NDE1: variants seen among roughly 807,000 people sequenced by gnomAD.
NDE1 encodes nuclear distribution protein nudE homolog 1.
NDE1 carries 28 observed loss-of-function variants against 43.4 expected under a neutral mutation model. The ratio of observed to expected loss-of-function variants is 0.65; its 90% confidence interval spans 0.48 to 0.89. NDE1 has a LOEUF of 0.89. Ranked by LOEUF, NDE1 falls within the 40% of genes least tolerant of loss-of-function variation. NDE1 has a pLI of 0.00. For synonymous variants in NDE1, 184 were observed against 172.0 expected, an observed-to-expected ratio of 1.07 and a Z score of -0.55; for missense variants, 441 against 434.1, an observed-to-expected ratio of 1.02 and a Z score of -0.14.
intron 2 of NDE1, 44 bp from the exon 3 acceptor site, chr16:15,667,242 T>C (rs746133847): frequency 7.3e-5 from 117 of 1,609,004 alleles, no homozygotes; most frequent in Non-Finnish European, 9.3e-5. Context: ...CGAGACTCTG[T>C]CTTCAAAAAT....
At chr16:15,657,335 G>A (rs1356385598) in intron 1 of NDE1, among the ~76,000 whole-genome samples, 2 of 152,038 alleles carry the variant, frequency 1.3e-5, no homozygotes, top group African/African-American at 4.8e-5. Flanking sequence ...CTGACCTCAG[G>A]TGAACCACCC....
chr16:15,715,626 A>AT (rs201872754), intron 8 of NDE1, among the ~76,000 whole-genome samples: 94 of 151,682 alleles, frequency 6.2e-4, no homozygotes, highest in South Asian at 5.8e-3. Flanking sequence ...TGGGGTTTCT[A>AT]TTTTTTTTGC....
At chr16:15,652,708 A>G (rs1269558340) in intron 1 of NDE1, among the ~76,000 whole-genome samples, 1 of 152,134 alleles carries the variant, frequency 6.6e-6, no homozygotes, top group African/African-American at 2.4e-5. Flanking sequence ...CTGTCGCCCA[A>G]GCTGGAACAC....
chr16:15,704,655 GAC>G (rs2039352532), intron 8 of NDE1, among the ~76,000 whole-genome samples: 2 of 152,160 alleles, frequency 1.3e-5, no homozygotes, highest in African/African-American at 2.4e-5. Flanking sequence ...CCTTGAGAAG[GAC>G]ACAGAGGGGC....
intron 8 of NDE1, chr16:15,713,842 G>A (rs888530946): frequency 2.0e-5 from 3 of 152,692 alleles, no homozygotes; most frequent in Non-Finnish European, 2.9e-5. Flanking sequence ...TGCAAGAGGG[G>A]GAACCGGATG....
At chr16:15,657,613 A>T (rs953397982) in intron 1 of NDE1, among the ~76,000 whole-genome samples, 4 of 151,532 alleles carry the variant, frequency 2.6e-5, no homozygotes, top group Non-Finnish European at 1.5e-5. Context: ...TTTTTTTGAG[A>T]TGGGGTCTTG....
intron 8 of NDE1, among the ~76,000 whole-genome samples, chr16:15,710,685 TTTG>T (rs1443682967): frequency 6.6e-6 from 1 of 151,300 alleles, no homozygotes; most frequent in African/African-American, 2.4e-5. Flanking sequence ...GTTTTTGTTT[TTTG>T]TTTTTTTTTT....
intron 1 of NDE1, among the ~76,000 whole-genome samples, chr16:15,654,209 A>G (rs1168652428): frequency 6.6e-6 from 1 of 152,176 alleles, no homozygotes; most frequent in Non-Finnish European, 1.5e-5. Flanking sequence ...ACACAGATGA[A>G]ATAAATGCAT....
intron 8 of NDE1, 45 bp from the exon 9 acceptor site, chr16:15,724,146 C>A: frequency 6.2e-7 from 1 of 1,612,512 alleles, no homozygotes; most frequent in African/African-American, 1.3e-5. Flanking sequence ...GTGGGGGACA[C>A]CCCACGCCCT....
intron 8 of NDE1, chr16:15,718,291 C>T (rs2040275885): frequency 3.7e-6 from 6 of 1,607,320 alleles, no homozygotes; most frequent in Non-Finnish European, 5.1e-6. Flanking sequence ...GGCAGCGTGA[C>T]TGTGGTGTCC....
exon 1 of NDE1, chr16:15,643,889 TC>T (rs1270485864): frequency 6.5e-6 from 1 of 153,156 alleles, no homozygotes; most frequent in Non-Finnish European, 1.5e-5. Flanking sequence ...ATACTGCGTT[TC>T]CAGTGACAGG....
intron 5 of NDE1, among the ~76,000 whole-genome samples, chr16:15,690,337 C>CTTTTTTTTTTTTTTGT: frequency 1.3e-5 from 1 of 74,106 alleles, no homozygotes; most frequent in African/African-American, 4.7e-5. Context: ...TGCAACTGGC[C>CTTTTTTTTTTTTTTGT]TTTTTTTTTT....
chr16:15,716,526 G>T (rs180773777), intron 8 of NDE1, among the ~76,000 whole-genome samples: 126 of 148,590 alleles, frequency 8.5e-4, no homozygotes, highest in African/African-American at 3.2e-3. Flanking sequence ...TTTTTTTTGT[G>T]TGTGTGTATG....
upstream of NDE1, among the ~76,000 whole-genome samples, chr16:15,647,187 G>A (rs71376078): frequency 0.019 from 2,923 of 152,344 alleles, 79 homozygotes; most frequent in African/African-American, 0.055. Context: ...AGGTGGTGGG[G>A]TTCCCCTTTG....
chr16:15,656,831 G>C (rs1684526228), intron 1 of NDE1, among the ~76,000 whole-genome samples: 1 of 152,134 alleles, frequency 6.6e-6, no homozygotes, highest in Non-Finnish European at 1.5e-5. Context: ...ATGAGCCACA[G>C]CACCCTGCCA....
At chr16:15,690,372 T>C (rs1468893484) in intron 5 of NDE1, among the ~76,000 whole-genome samples, 2 of 125,984 alleles carry the variant, frequency 1.6e-5, no homozygotes, top group African/African-American at 3.0e-5. Flanking sequence ...TTTTTTTTTT[T>C]TTTTTTTTTG....
chr16:15,677,659 C>T, intron 3 of NDE1, 142 bp from the exon 4 acceptor site: 2 of 811,566 alleles, frequency 2.5e-6, no homozygotes, highest in South Asian at 2.9e-5. Context: ...TCATAGCTCA[C>T]TGCAGCCTCT....
intron 1 of NDE1, among the ~76,000 whole-genome samples, chr16:15,661,705 A>G (rs1218944846): frequency 2.0e-5 from 3 of 151,886 alleles, no homozygotes; most frequent in East Asian, 3.9e-4. Context: ...TGGCCTACCA[A>G]TGTGCTGGGA....
upstream of NDE1, among the ~76,000 whole-genome samples, chr16:15,646,294 G>C (rs2036328072): frequency 6.6e-6 from 1 of 152,148 alleles, no homozygotes; most frequent in Non-Finnish European, 1.5e-5. Flanking sequence ...ATTCCGAGGG[G>C]GGCCAGGCGC....
Sources: gnomAD v4.1 joint callset for allele counts (sites outside exome capture counted in the v4.1 genomes callset) on GRCh38, gnomAD v4.1.1 for gene constraint, MANE v1.5 for transcripts, NCBI Gene and HGNC (gene_info 2026-07-23, HGNC 2026-07-21) for gene names.